Variants in DENND2B observed in about 807,000 individuals in gnomAD.
The protein encoded by DENND2B is DENN domain-containing protein 2B.
DENND2B carries 32 observed loss-of-function variants against 116.0 expected under a neutral mutation model. The observed-to-expected ratio is 0.28, with a 90% CI of 0.21 to 0.37. DENND2B has a LOEUF of 0.37. DENND2B is among the 10% of genes least tolerant of loss of function. The pLI is 1.00. For synonymous variants in DENND2B, 588 were observed against 583.9 expected, an observed-to-expected ratio of 1.01 and a Z score of -0.10; for missense variants, 1,276 against 1,477.7, an observed-to-expected ratio of 0.86 and a Z score of 2.24.
At chr11:8,887,771 T>C (rs565247949) in intron 1 of DENND2B, among the ~76,000 whole-genome samples, 6 of 152,272 alleles carry the variant, frequency 3.9e-5, no homozygotes, top group African/African-American at 1.4e-4. Flanking sequence ...AAAGGTGACA[T>C]ACCTCTCTAC....
At chr11:8,719,099 C>T (rs769786493) in intron 4 of DENND2B, 376 of 985,410 alleles carry the variant, frequency 3.8e-4, no homozygotes, top group Non-Finnish European at 4.0e-4. Context: ...ATGTGCCTTA[C>T]GCCCCAGAGG....
chr11:8,876,517 C>CAAAAAAA (rs2063842920), intron 2 of DENND2B, among the ~76,000 whole-genome samples: 3 of 152,010 alleles, frequency 2.0e-5, no homozygotes, highest in African/African-American at 7.2e-5. Flanking sequence ...AGGTTCACTC[C>CAAAAAAA]AATCCATTTA....
intron 13 of DENND2B, among the ~76,000 whole-genome samples, 167 bp downstream of exon 13, chr11:8,706,918 T>G (rs1385746293): frequency 6.6e-6 from 1 of 152,210 alleles, no homozygotes; most frequent in African/African-American, 2.4e-5. Flanking sequence ...GGACAACATG[T>G]ACATTCCTAT....
intron 2 of DENND2B, among the ~76,000 whole-genome samples, chr11:8,742,441 G>A (rs1214706714): frequency 6.6e-6 from 1 of 152,156 alleles, no homozygotes; most frequent in Admixed American, 6.5e-5. Flanking sequence ...GCTGTCAGTA[G>A]GGGCATAAAG....
Position 8,706,787 on chromosome 11 carries a change from A to G in DENND2B, c.2571+298T>C, listed in dbSNP as rs144066079. Among the ~76,000 whole-genome samples, 452 of 152,330 alleles carry G rather than the reference A, an allele frequency of 3.0e-3. 10 individuals carry two copies. Among genetic ancestry groups the G allele is most frequent in the Admixed American group, 0.016 (251 of 15,300 alleles). ...TGACTCTGCTCTGAGGTCTGGCGCA[A>G]TCCCTGATTGTGAGATGGCACACAT... On this transcript the variant is annotated intron_variant, in intron 13 of 19. Coordinates refer to ENST00000313726, the MANE Select transcript of DENND2B (RefSeq NM_213618.2).
intron 4 of DENND2B, among the ~76,000 whole-genome samples, chr11:8,829,046 TTGTGTGTGG>T (rs1208083971): frequency 3.3e-4 from 47 of 140,718 alleles, no homozygotes; most frequent in East Asian, 1.1e-3. Flanking sequence ...TATGGTGTGT[TTGTGTGTGG>T]TGTGTGTGGT....
At chr11:8,726,018 C>T in intron 4 of DENND2B, 55 bp downstream of exon 4, 6 of 1,611,368 alleles carry the variant, frequency 3.7e-6, no homozygotes, top group Non-Finnish European at 5.1e-6. Context: ...CCTCCTGTTC[C>T]TGTTCTTCTG....
chr11:8,754,063 A>ACACACAC (rs1555169802), intron 1 of DENND2B, among the ~76,000 whole-genome samples: 3 of 151,918 alleles, frequency 2.0e-5, no homozygotes, highest in African/African-American at 7.3e-5. Flanking sequence ...ACACACACAC[A>ACACACAC]AAGGACATGA....
intron 1 of DENND2B, among the ~76,000 whole-genome samples, chr11:8,905,821 G>A (rs752006970): frequency 6.6e-5 from 10 of 151,796 alleles, no homozygotes; most frequent in Non-Finnish European, 1.5e-4. Context: ...TTCATATAAC[G>A]GGATAGTATT....
At chr11:8,718,439 T>C (rs2045500588) in intron 4 of DENND2B, 4 of 1,521,174 alleles carry the variant, frequency 2.6e-6, no homozygotes, top group Non-Finnish European at 3.5e-6. Flanking sequence ...TACGATGCCG[T>C]TCAACAAGTC....
chr11:8,902,807 A>G (rs540885478), intron 1 of DENND2B, among the ~76,000 whole-genome samples: 1 of 152,362 alleles, frequency 6.6e-6, no homozygotes, highest in African/African-American at 2.4e-5. Context: ...TCTTGTAGAC[A>G]GACAGTTGGA....
chr11:8,749,692 A>G (rs921760282), intron 2 of DENND2B, among the ~76,000 whole-genome samples: 8 of 152,228 alleles, frequency 5.3e-5, no homozygotes, highest in African/African-American at 1.9e-4. Context: ...ACAGCCAGAT[A>G]TCCAGGAATG....
intron 1 of DENND2B, among the ~76,000 whole-genome samples, chr11:8,902,113 G>A (rs1423875803): frequency 1.3e-5 from 2 of 152,086 alleles, no homozygotes; most frequent in Non-Finnish European, 2.9e-5. Context: ...GAATCATGAG[G>A]TCAGGAGTTC....
chr11:8,776,138 ACGTG>A (rs1423533236), intron 1 of DENND2B: 3 of 172,474 alleles, frequency 1.7e-5, no homozygotes, highest in East Asian at 1.8e-4. Context: ...ACAGACACGC[ACGTG>A]CGCGCACGCG....
intron 4 of DENND2B, among the ~76,000 whole-genome samples, chr11:8,833,013 T>TCA: frequency 6.6e-6 from 1 of 152,360 alleles, no homozygotes; most frequent in East Asian, 1.9e-4. Context: ...GGCTTTGGCG[T>TCA]CACCTGCTTT....
intron 1 of DENND2B, among the ~76,000 whole-genome samples, chr11:8,775,868 T>C (rs1319119910): frequency 1.3e-5 from 2 of 152,148 alleles, no homozygotes; most frequent in Non-Finnish European, 2.9e-5. Flanking sequence ...TTAAACAGTA[T>C]TATTGTATGA....
At chr11:8,850,402 T>C (rs1423424672) in intron 3 of DENND2B, among the ~76,000 whole-genome samples, 1 of 152,106 alleles carries the variant, frequency 6.6e-6, no homozygotes, top group Non-Finnish European at 1.5e-5. Context: ...CAGACGTTTT[T>C]CAGAAGAAGA....
At chr11:8,877,070 C>T (rs1217676538) in intron 2 of DENND2B, among the ~76,000 whole-genome samples, 1 of 147,136 alleles carries the variant, frequency 6.8e-6, no homozygotes, top group South Asian at 2.2e-4. Context: ...CTAAGTCATC[C>T]TTCTTCCTTC....
At chr11:8,696,837 G>A (rs906937532) in intron 17 of DENND2B, among the ~76,000 whole-genome samples, 171 bp from the exon 18 acceptor site, 1 of 152,228 alleles carries the variant, frequency 6.6e-6, no homozygotes, top group African/African-American at 2.4e-5. Context: ...AAGTTAGAGT[G>A]CAATGGCGCC....
Sources: allele counts gnomAD v4.1 joint callset (sites outside exome capture counted in the v4.1 genomes callset), GRCh38; gene constraint gnomAD v4.1.1; transcripts MANE v1.5; gene names NCBI Gene and HGNC (gene_info 2026-07-23, HGNC 2026-07-21).